Variants in SLC9D1 observed in about 807,000 individuals in gnomAD.
SLC9D1 encodes putative LAG1-interacting protein.
At chr13:113,536,097 G>C in the SLC9D1 span, among the ~76,000 whole-genome samples, 1 of 152,188 alleles carries the variant, frequency 6.6e-6, no homozygotes, top group Non-Finnish European at 1.5e-5. Flanking sequence ...AAAGTTTCCG[G>C]CTGGGCGCGG....
the SLC9D1 span, chr13:113,511,810 A>G: frequency 6.6e-6 from 1 of 152,358 alleles, no homozygotes; most frequent in Non-Finnish European, 1.5e-5. Flanking sequence ...TGTGGCTGGA[A>G]AAGAGCTGAC....
the SLC9D1 span, among the ~76,000 whole-genome samples, chr13:113,545,340 C>T: frequency 1.3e-5 from 2 of 152,190 alleles, no homozygotes; most frequent in Admixed American, 1.3e-4. Context: ...GCTGTGGAGC[C>T]GGTGGGGCCC....
the SLC9D1 span, among the ~76,000 whole-genome samples, chr13:113,517,480 G>A: frequency 0.15 from 22,634 of 152,002 alleles, 2,048 homozygotes; most frequent in Admixed American, 0.27. Flanking sequence ...CGCCCGCCTT[G>A]GCCTCCCAAA....
At chr13:113,545,442 G>A in the SLC9D1 span, among the ~76,000 whole-genome samples, 68,348 of 152,126 alleles carry the variant, frequency 0.45, 18,122 homozygotes, top group African/African-American at 0.74. Flanking sequence ...AAATGACCCT[G>A]CATAGAAAAG....
At chr13:113,529,656 A>C in the SLC9D1 span, 2 of 152,108 alleles carry the variant, frequency 1.3e-5, no homozygotes, top group Non-Finnish European at 2.9e-5. Context: ...TCTCAAAAAA[A>C]AAAAACAAAA....
At chr13:113,516,566 A>C in the SLC9D1 span, among the ~76,000 whole-genome samples, 26,698 of 133,094 alleles carry the variant, frequency 0.2, 3,195 homozygotes, top group African/African-American at 0.37. Flanking sequence ...ACTCCATCTC[A>C]AAAAAAAAAA....
At chr13:113,533,948 T>C in the SLC9D1 span, 1 of 882,186 alleles carries the variant, frequency 1.1e-6, no homozygotes, top group Non-Finnish European at 1.8e-6. Context: ...GTAATTTATT[T>C]TGTAGCATGT....
the SLC9D1 span, among the ~76,000 whole-genome samples, chr13:113,525,889 G>T: frequency 7.4e-4 from 111 of 150,200 alleles, no homozygotes; most frequent in Non-Finnish European, 1.5e-3. Flanking sequence ...GCTCTGTGCC[G>T]GTTATTCTAG....
the SLC9D1 span, among the ~76,000 whole-genome samples, chr13:113,508,727 C>T: frequency 3.7e-4 from 57 of 152,300 alleles, no homozygotes; most frequent in Non-Finnish European, 6.9e-4. Context: ...CTTTGGGGTC[C>T]GGAAGCTCCA....
the SLC9D1 span, chr13:113,496,126 A>G: frequency 4.6e-6 from 4 of 862,108 alleles, no homozygotes; most frequent in South Asian, 5.3e-5. Context: ...GACAGCCCAC[A>G]CGGAGCTGGG....
chr13:113,529,699 G>T, the SLC9D1 span: 1 of 151,254 alleles, frequency 6.6e-6, no homozygotes, highest in Non-Finnish European at 1.5e-5. Flanking sequence ...TGTAGACCAC[G>T]TTCCTCCTGA....
the SLC9D1 span, among the ~76,000 whole-genome samples, chr13:113,538,853 C>A: frequency 1.3e-4 from 20 of 152,366 alleles, no homozygotes; most frequent in Middle Eastern, 3.4e-3. Flanking sequence ...GGCCGTCCGG[C>A]CGGCGCGCTG....
At chr13:113,494,666 A>ATT in the SLC9D1 span, among the ~76,000 whole-genome samples, 6 of 151,802 alleles carry the variant, frequency 4.0e-5, no homozygotes, top group African/African-American at 1.2e-4. Context: ...ATATATATAT[A>ATT]TATATTTTTA....
chr13:113,516,633 A>C, the SLC9D1 span, among the ~76,000 whole-genome samples: 1 of 152,004 alleles, frequency 6.6e-6, no homozygotes, highest in Non-Finnish European at 1.5e-5. Flanking sequence ...CTGTCTCACC[A>C]GAGCTTAAAG....
At chr13:113,548,392 C>T in the SLC9D1 span, 23 of 1,613,308 alleles carry the variant, frequency 1.4e-5, no homozygotes, top group Non-Finnish European at 1.9e-5. Context: ...TTGCCCAGGT[C>T]AGCGAGTTTT....
At chr13:113,542,344 G>A in the SLC9D1 span, among the ~76,000 whole-genome samples, 6 of 130,858 alleles carry the variant, frequency 4.6e-5, no homozygotes, top group African/African-American at 1.8e-4. Context: ...CTTTATTACC[G>A]CCGAGATGTG....
At chr13:113,491,763 C>T in the SLC9D1 span, among the ~76,000 whole-genome samples, 1 of 152,232 alleles carries the variant, frequency 6.6e-6, no homozygotes, top group Non-Finnish European at 1.5e-5. Flanking sequence ...AGCCCTGTCC[C>T]TGGCCCCCCT....
chr13:113,541,250 G>T, the SLC9D1 span, among the ~76,000 whole-genome samples: 1 of 151,884 alleles, frequency 6.6e-6, no homozygotes, highest in South Asian at 2.1e-4. Flanking sequence ...TCACTGCCAT[G>T]CTTTATTACC....
chr13:113,549,693 A>G, the SLC9D1 span: 1 of 909,528 alleles, frequency 1.1e-6, no homozygotes. Context: ...GCTTTTACAG[A>G]ATATTCTTGT....
Sources: gnomAD v4.1 joint callset for allele counts (sites outside exome capture counted in the v4.1 genomes callset) on GRCh38, gnomAD v4.1.1 for gene constraint, MANE v1.5 for transcripts, NCBI Gene and HGNC (gene_info 2026-07-23, HGNC 2026-07-21) for gene names.